Variants in LMO7 observed in about 807,000 individuals in gnomAD.
The protein encoded by LMO7 is LIM domain only protein 7.
Under a neutral mutation model 206.5 loss-of-function variants are expected in LMO7, and 120 were observed. The observed-to-expected ratio is 0.58, with a 90% CI of 0.50 to 0.68. The LOEUF is 0.68. Ranked by LOEUF, LMO7 falls within the 30% of genes least tolerant of loss-of-function variation. The probability of loss-of-function intolerance (pLI) is 0.00; values close to 1 mark genes in which losing one functional copy is unlikely to be tolerated. For missense variants in LMO7, 1,959 were observed against 1,957.9 expected, an observed-to-expected ratio of 1.00 and a Z score of -0.01; for synonymous variants, 706 against 681.5, an observed-to-expected ratio of 1.04 and a Z score of -0.56.
chr13:75,793,558 G>A (rs2053596103), intron 4 of LMO7, among the ~76,000 whole-genome samples: 3 of 152,196 alleles, frequency 2.0e-5, no homozygotes. Flanking sequence ...TTACAGGCAT[G>A]AGCCATTGCA....
In LMO7 at chr13:75,807,478, A is replaced by C; in HGVS notation, c.1197-2A>C. 1 of 1,612,532 alleles carries C rather than the reference A, an allele frequency of 6.2e-7. No individual in the cohort carries two copies. Among genetic ancestry groups the C allele is most frequent in the Non-Finnish European group, 8.5e-7 (1 of 1,179,484 alleles). Reference sequence around the variant, plus strand: ...CTTTCCTTTTTCCTCTCTGTGCATCAGTCAGTTTTTACTGCTTCAGGCCCT... The same window carrying C: ...CTTTCCTTTTTCCTCTCTGTGCATCCGTCAGTTTTTACTGCTTCAGGCCCT... On this transcript the variant is annotated splice_acceptor_variant, in intron 9 of 30. Transcript: ENST00000377534. LOFTEE classifies it high-confidence loss of function.
At chr13:75,693,647 C>T (rs1453454702) in intron 1 of LMO7, among the ~76,000 whole-genome samples, 3 of 152,206 alleles carry the variant, frequency 2.0e-5, no homozygotes, top group South Asian at 2.1e-4. Flanking sequence ...TCAGACTTCT[C>T]CTCTCCTGTC....
intron 1 of LMO7, among the ~76,000 whole-genome samples, chr13:75,638,464 C>T (rs2138974047): frequency 6.6e-6 from 1 of 152,238 alleles, no homozygotes; most frequent in East Asian, 1.9e-4. Context: ...AGGTGTTTAT[C>T]AGCAATGATT....
rs1289801872 is a variant in LMO7 at position 75,840,110 on chromosome 13, T to C, written c.3477T>C (p.Asp1159=). 2 of 1,613,876 alleles carry C rather than the reference T, an allele frequency of 1.2e-6. No individual in the cohort carries two copies. The highest frequency in any genetic ancestry group is 2.7e-5 in the African/African-American group (2 of 74,920). ...GAAGCTCTGATTCGGTGGTTCCTGA[T>C]GTAAGTAGCATTCATTTGTCATTTG... ...EQGSSDSVVP[D]LPVPTISAPS... The change falls in exon 21 of 31, where the codon GAT becomes GAC. Residue 1159 remains aspartate, a splice_region_variant and synonymous_variant. Coordinates refer to ENST00000377534, the MANE Select transcript of LMO7 (RefSeq NM_001306080.2).
intron 1 of LMO7, among the ~76,000 whole-genome samples, chr13:75,710,972 C>T (rs567381654): frequency 0.014 from 2,100 of 152,178 alleles, 20 homozygotes; most frequent in Middle Eastern, 0.048. Context: ...AGATACGTCC[C>T]ATCAATACCT....
chr13:75,647,268 A>G (rs2037115940), intron 1 of LMO7, among the ~76,000 whole-genome samples: 1 of 152,172 alleles, frequency 6.6e-6, no homozygotes, highest in African/African-American at 2.4e-5. Flanking sequence ...TTATACTTGA[A>G]ATCTTTTTAG....
intron 1 of LMO7, among the ~76,000 whole-genome samples, chr13:75,647,050 C>T (rs1374395692): frequency 6.7e-6 from 1 of 149,568 alleles, no homozygotes; most frequent in Non-Finnish European, 1.5e-5. Flanking sequence ...TCACTTGCCT[C>T]TGCATTATAT....
chr13:75,727,135 G>A, intron 3 of LMO7, 37 bp downstream of exon 3: 1 of 1,338,688 alleles, frequency 7.5e-7, no homozygotes, highest in South Asian at 1.2e-5. Flanking sequence ...AAATTTATTT[G>A]TCTTTGAAAT....
intron 2 of LMO7, chr13:75,627,788 G>C (rs1222401978): frequency 6.6e-6 from 1 of 151,906 alleles, no homozygotes; most frequent in Non-Finnish European, 1.5e-5. Flanking sequence ...AGCTGCAATA[G>C]TTTATTTTAA....
At position 75,823,727 on chromosome 13, in the gene LMO7, C is replaced by T. The variant is rs943901736; in HGVS notation, c.2803C>T (p.Pro935Ser). ...AATEEDVTRL[P>S]SPTSPFSSLS... The stretch of plus-strand genomic sequence containing the variant: ...AACAGAAGAAGATGTGACAAGGCTG[C>T]CCTCTCCTACATCCCCCTTCTCATC... Residue 935 changes from proline (P) to serine (S), a missense_variant, in exon 15 of 31, where the codon CCC becomes TCC. Transcript: ENST00000377534. 28 of 1,613,998 alleles carry T rather than the reference C, an allele frequency of 1.7e-5. 1 individual carries two copies. Among genetic ancestry groups the T allele is most frequent in the African/African-American group, 2.7e-5 (2 of 74,906 alleles).
At chr13:75,682,836 A>G (rs2040657408) in intron 1 of LMO7, among the ~76,000 whole-genome samples, 1 of 152,208 alleles carries the variant, frequency 6.6e-6, no homozygotes, top group Non-Finnish European at 1.5e-5. Flanking sequence ...TGTCCATTGA[A>G]TTAATCCACA....
Position 75,723,202 on chromosome 13 carries a change from A to C in LMO7, c.141-3827A>C, listed in dbSNP as rs9600535. On this transcript the variant is annotated intron_variant, in intron 2 of 30. Coordinates refer to ENST00000377534, the MANE Select transcript of LMO7 (RefSeq NM_001306080.2). ...TAAAAAAATAAAAGATTAAAAAAAAACCCAAAATCATCATTGCTCTTTAAT... is the reference window on the plus strand; with the variant it reads ...TAAAAAAATAAAAGATTAAAAAAAACCCCAAAATCATCATTGCTCTTTAAT... Among the ~76,000 whole-genome samples the C allele has an allele frequency of 4.6e-3, 632 of 137,006 alleles. 4 individuals carry two copies. Among genetic ancestry groups the C allele is most frequent in the African/African-American group, 0.012 (417 of 35,584 alleles). 89.9% of individuals were successfully genotyped at this position (137,006 alleles called of 152,430 possible).
At chr13:75,713,072 G>A in intron 1 of LMO7, 110 bp from the exon 2 acceptor site, 3 of 629,128 alleles carry the variant, frequency 4.8e-6, no homozygotes, top group Non-Finnish European at 7.9e-6. Context: ...GTCTATATAT[G>A]CAAATCCTTC....
intron 1 of LMO7, among the ~76,000 whole-genome samples, chr13:75,697,272 C>A (rs1184361455): frequency 6.6e-6 from 1 of 152,114 alleles, no homozygotes; most frequent in African/African-American, 2.4e-5. Context: ...CATTCTCATG[C>A]TGCTAATAAA....
At chr13:75,758,458 G>C (rs542132360) in intron 3 of LMO7, among the ~76,000 whole-genome samples, 1 of 152,284 alleles carries the variant, frequency 6.6e-6, no homozygotes, top group South Asian at 2.1e-4. Flanking sequence ...CATAGGCCAT[G>C]TGTGACTTTG....
At chr13:75,733,432 G>T (rs1013849420) in intron 3 of LMO7, among the ~76,000 whole-genome samples, 29 of 152,254 alleles carry the variant, frequency 1.9e-4, no homozygotes, top group African/African-American at 3.6e-4. Context: ...CTCCGAGCCA[G>T]GTGTGGGATA....
chr13:75,659,804 T>C (rs1196127960), intron 1 of LMO7, among the ~76,000 whole-genome samples: 2 of 152,262 alleles, frequency 1.3e-5, no homozygotes, highest in African/African-American at 4.8e-5. Flanking sequence ...TGTTATTTGG[T>C]ATTTTATCTA....
At chr13:75,770,506 C>G (rs1463240701) in intron 4 of LMO7, among the ~76,000 whole-genome samples, 1 of 152,030 alleles carries the variant, frequency 6.6e-6, no homozygotes, top group Non-Finnish European at 1.5e-5. Flanking sequence ...AAAACCTACT[C>G]CTTTCCTACC....
At chr13:75,644,140 T>G (rs2036809532) in intron 1 of LMO7, among the ~76,000 whole-genome samples, 1 of 144,906 alleles carries the variant, frequency 6.9e-6, no homozygotes, top group Non-Finnish European at 1.5e-5. Context: ...TAGTGAAGTG[T>G]TTTTTTTTTA....
Sources: gnomAD v4.1 joint callset for allele counts (sites outside exome capture counted in the v4.1 genomes callset) on GRCh38, gnomAD v4.1.1 for gene constraint, MANE v1.5 for transcripts, NCBI Gene and HGNC (gene_info 2026-07-23, HGNC 2026-07-21) for gene names.